Variants in CHD9 observed in about 807,000 individuals in gnomAD.
CHD9 encodes chromodomain helicase DNA binding protein 9, also known as ATP-dependent chromatin remodeler CHD9.
Under a neutral mutation model 316.1 loss-of-function variants are expected in CHD9, and 77 were observed. That is an observed-to-expected ratio of 0.24 (90% CI 0.20 to 0.29). CHD9 has a LOEUF of 0.29. CHD9 is among the 10% of genes least tolerant of loss of function. The pLI, the probability that CHD9 is intolerant of heterozygous loss-of-function variation, is 1.00. For synonymous variants in CHD9, 1,129 were observed against 1,158.3 expected (o/e 0.97, Z 0.51); for missense variants, 2,763 against 3,438.1 (o/e 0.80, Z 4.91).
In CHD9 at chr16:53,292,859, G is replaced by C; in HGVS notation, c.5317G>C (p.Val1773Leu). 1 of 1,613,600 alleles carries C rather than the reference G, an allele frequency of 6.2e-7. No individual in the cohort carries two copies. Among genetic ancestry groups the C allele is most frequent in the East Asian group, 2.2e-5 (1 of 44,850 alleles). ...TGGTCAACTGATGGAGGGTGATAAAGTATATTGGCCTACTCAATCAGCTTT... is the reference window on the plus strand; with the variant it reads ...TGGTCAACTGATGGAGGGTGATAAACTATATTGGCCTACTCAATCAGCTTT... ...GDGQLMEGDK[V>L]YWPTQSALTT... The change falls in exon 29 of 39, where the codon GTA becomes CTA. Residue 1773 changes from valine to leucine, a missense_variant. Transcript: ENST00000447540.
chr16:53,168,169 C>T (rs1241667721), intron 2 of CHD9, among the ~76,000 whole-genome samples: 2 of 152,052 alleles, frequency 1.3e-5, no homozygotes, highest in Admixed American at 1.3e-4. Context: ...TCGAACAATT[C>T]TCCTGTCTCA....
intron 1 of CHD9, among the ~76,000 whole-genome samples, chr16:53,153,154 A>G (rs886733506): frequency 6.6e-6 from 1 of 152,248 alleles, no homozygotes; most frequent in African/African-American, 2.4e-5. Context: ...GATGATGGGA[A>G]TAAAACAATT....
intron 26 of CHD9, among the ~76,000 whole-genome samples, chr16:53,287,237 C>T (rs11864306): frequency 0.28 from 42,285 of 152,022 alleles, 5,981 homozygotes; most frequent in Middle Eastern, 0.32. Flanking sequence ...TCCCAAAGTG[C>T]GGAGATTATA....
intron 2 of CHD9, among the ~76,000 whole-genome samples, chr16:53,172,680 T>C (rs780406384): frequency 1.5e-4 from 23 of 152,228 alleles, no homozygotes; most frequent in Non-Finnish European, 3.1e-4. Context: ...CAGTGCTTGA[T>C]CTGATATGGT....
At chr16:53,176,914 A>G (rs2043132865) in intron 2 of CHD9, among the ~76,000 whole-genome samples, 1 of 152,150 alleles carries the variant, frequency 6.6e-6, no homozygotes, top group East Asian at 1.9e-4. Context: ...TATCCTCACA[A>G]CAATCCAATG....
At chr16:53,131,185 G>C (rs2039264362) in intron 1 of CHD9, 1 of 151,088 alleles carries the variant, frequency 6.6e-6, no homozygotes, top group South Asian at 1.9e-4. Flanking sequence ...GTGTCAGACG[G>C]GTGGTCGCCT....
Position 53,156,548 on chromosome 16 carries a change from T to A in CHD9, c.459T>A (p.Asn153Lys). ...QQGHSHSMHQ[N>K]KSFVAHHDFA... Reference sequence around the variant, plus strand: ...GACATTCACACTCTATGCATCAAAATAAAAGCTTTGTGGCACACCATGACT... The same window carrying A: ...GACATTCACACTCTATGCATCAAAAAAAAAGCTTTGTGGCACACCATGACT... The change falls in exon 2 of 39, where the codon AAT (asparagine) becomes AAA (lysine). Residue 153 changes from asparagine (N) to lysine (K), a missense_variant. Asn to Lys is a moderately conservative substitution (Grantham distance 94). Coordinates refer to ENST00000447540, the MANE Select transcript of CHD9 (RefSeq NM_001308319.2). 3 of 1,613,964 alleles carry A rather than the reference T, an allele frequency of 1.9e-6. No individual in the cohort carries two copies. Among genetic ancestry groups the A allele is most frequent in the Non-Finnish European group, 2.5e-6 (3 of 1,179,880 alleles).
At chr16:53,292,524 T>G (rs2054427574) in intron 28 of CHD9, among the ~76,000 whole-genome samples, 1 of 152,196 alleles carries the variant, frequency 6.6e-6, no homozygotes, top group Admixed American at 6.5e-5. Context: ...ATGGATTCAG[T>G]TTGGCTTTTA....
rs2047347950 is a variant in CHD9 at position 53,222,689 on chromosome 16, G to A, written c.1830G>A (p.Glu610=). 2 of 1,581,612 alleles carry A rather than the reference G, an allele frequency of 1.3e-6. No homozygotes were observed. The highest frequency in any genetic ancestry group is 1.7e-6 in the Non-Finnish European group (2 of 1,158,778). Residue 610 remains glutamate, a synonymous_variant, in exon 4 of 39, where the codon GAG becomes GAA. Transcript: ENST00000447540. ...GTAAGAAACAAAAAAGAAAGAATGA[G>A]TCTTCAGATGAAATATCTGATGCAG... The part of the protein sequence containing the change: ...TLGKKQKRKN[E]SSDEISDAEQ...
intron 18 of CHD9, among the ~76,000 whole-genome samples, chr16:53,255,074 G>A (rs1471042274): frequency 6.6e-6 from 1 of 152,102 alleles, no homozygotes; most frequent in Non-Finnish European, 1.5e-5. Context: ...ACTTTGGGAC[G>A]CTGAGGTAGG....
intron 4 of CHD9, among the ~76,000 whole-genome samples, chr16:53,225,007 A>G (rs1180331235): frequency 6.6e-6 from 1 of 152,162 alleles, no homozygotes; most frequent in African/African-American, 2.4e-5. Context: ...CATTCGACCC[A>G]TCCTACATGA....
intron 1 of CHD9, among the ~76,000 whole-genome samples, chr16:53,123,083 G>A (rs12149668): frequency 0.26 from 38,801 of 147,508 alleles, 6,311 homozygotes; most frequent in Middle Eastern, 0.42. Flanking sequence ...AGCTGGTCTC[G>A]AACTCACACC....
chr16:53,248,329 C>CT (rs1041986031), intron 16 of CHD9, among the ~76,000 whole-genome samples: 2 of 125,032 alleles, frequency 1.6e-5, no homozygotes, highest in African/African-American at 6.7e-5. Context: ...GAGCGAAACT[C>CT]TGTCTCAAAA....
intron 1 of CHD9, among the ~76,000 whole-genome samples, chr16:53,091,302 A>G (rs1158685173): frequency 7.9e-5 from 12 of 152,218 alleles, no homozygotes. Context: ...TCCCCGGGTG[A>G]CCTTGGGCAA....
intron 22 of CHD9, among the ~76,000 whole-genome samples, chr16:53,271,746 A>G (rs1470602096): frequency 6.6e-6 from 1 of 152,140 alleles, no homozygotes; most frequent in East Asian, 1.9e-4. Context: ...TGAAAGCAGA[A>G]GCCTATAAAT....
intron 2 of CHD9, among the ~76,000 whole-genome samples, chr16:53,179,593 T>A (rs1392462968): frequency 6.6e-6 from 1 of 152,116 alleles, no homozygotes. Context: ...TGTTTTGTCA[T>A]TTAAAAAATT....
At chr16:53,287,369 A>G (rs1484640347) in intron 26 of CHD9, among the ~76,000 whole-genome samples, 1 of 152,278 alleles carries the variant, frequency 6.6e-6, no homozygotes, top group South Asian at 2.1e-4. Flanking sequence ...GCCTTATGTA[A>G]TCTGTCTTTT....
intron 2 of CHD9, among the ~76,000 whole-genome samples, chr16:53,192,101 A>G (rs189723971): frequency 1.3e-4 from 19 of 151,932 alleles, no homozygotes; most frequent in Admixed American, 1.2e-3. Flanking sequence ...TGTCTCTAAC[A>G]TGGCTGAGAC....
At chr16:53,188,114 G>A (rs1324201165) in intron 2 of CHD9, among the ~76,000 whole-genome samples, 1 of 152,138 alleles carries the variant, frequency 6.6e-6, no homozygotes, top group East Asian at 1.9e-4. Flanking sequence ...TGATTATGAT[G>A]GGCTTCTTAG....
Sources: allele counts gnomAD v4.1 joint callset (sites outside exome capture counted in the v4.1 genomes callset), GRCh38; gene constraint gnomAD v4.1.1; transcripts MANE v1.5; gene names NCBI Gene and HGNC (gene_info 2026-07-23, HGNC 2026-07-21).